Variants in COL22A1 observed in about 807,000 individuals in gnomAD.
The protein encoded by COL22A1 is collagen alpha-1(XXII) chain.
COL22A1 carries 221 observed loss-of-function variants against 248.9 expected under a neutral mutation model. The ratio of observed to expected loss-of-function variants is 0.89; its 90% confidence interval spans 0.80 to 0.99. The LOEUF (loss-of-function observed/expected upper bound fraction) is 0.99. Ranked by LOEUF, COL22A1 falls within the 50% of genes least tolerant of loss-of-function variation. The probability of loss-of-function intolerance (pLI) is 0.00; values close to 1 mark genes in which losing one functional copy is unlikely to be tolerated. For synonymous variants in COL22A1, 891 were observed against 793.4 expected, an observed-to-expected ratio of 1.12 and a Z score of -2.07; for missense variants, 2,240 against 2,179.0, an observed-to-expected ratio of 1.03 and a Z score of -0.56.
chr8:138,865,854 CGT>C (rs1241800075), intron 3 of COL22A1, among the ~76,000 whole-genome samples: 20 of 106,822 alleles, frequency 1.9e-4, no homozygotes, highest in African/African-American at 6.9e-4. Flanking sequence ...TGTGAGTGTA[CGT>C]GTGTGTATGT....
chr8:138,720,925 A>G, intron 26 of COL22A1, 133 bp from the exon 27 acceptor site: 1 of 742,354 alleles, frequency 1.3e-6, no homozygotes, highest in Non-Finnish European at 2.4e-6. Context: ...CAACTCTGCG[A>G]TTACCTAACC....
At chr8:138,666,703 C>A (rs968947179) in intron 41 of COL22A1, among the ~76,000 whole-genome samples, 9 of 152,132 alleles carry the variant, frequency 5.9e-5, no homozygotes, top group African/African-American at 2.2e-4. Context: ...TTTGTTATGG[C>A]CTGGGAAATG....
At chr8:138,611,055 G>C (rs932926526) in intron 56 of COL22A1, among the ~76,000 whole-genome samples, 5 of 152,298 alleles carry the variant, frequency 3.3e-5, no homozygotes, top group South Asian at 2.1e-4. Flanking sequence ...AACACAGTGA[G>C]AGCCTGTCTC....
At chr8:138,882,457 C>T (rs1296484619) in intron 2 of COL22A1, among the ~76,000 whole-genome samples, 2 of 150,266 alleles carry the variant, frequency 1.3e-5, no homozygotes, top group East Asian at 2.0e-4. Flanking sequence ...CTCACACTCC[C>T]CTACACCTCA....
intron 11 of COL22A1, among the ~76,000 whole-genome samples, chr8:138,797,229 C>T (rs1237134727): frequency 6.6e-6 from 1 of 152,186 alleles, no homozygotes; most frequent in African/African-American, 2.4e-5. Context: ...TCAGAAACAA[C>T]CCATATCTAT....
intron 18 of COL22A1, among the ~76,000 whole-genome samples, chr8:138,756,255 C>T (rs1177988644): frequency 1.5e-4 from 23 of 152,186 alleles, no homozygotes; most frequent in Non-Finnish European, 1.5e-5. Flanking sequence ...TAGCTCCGCA[C>T]ACAGTCAGCA....
chr8:138,875,261 T>A (rs1563872644), intron 3 of COL22A1, among the ~76,000 whole-genome samples: 1 of 152,104 alleles, frequency 6.6e-6, no homozygotes, highest in Non-Finnish European at 1.5e-5. Context: ...GGGAGAGGCC[T>A]GGAGTCTGAA....
At chr8:138,600,327 T>C (rs1416300743) in intron 60 of COL22A1, among the ~76,000 whole-genome samples, 1 of 152,020 alleles carries the variant, frequency 6.6e-6, no homozygotes, top group African/African-American at 2.4e-5. Context: ...AGACACCAGA[T>C]GGTAATCGTA....
intron 1 of COL22A1, among the ~76,000 whole-genome samples, chr8:138,896,972 C>A (rs1304546416): frequency 1.3e-5 from 2 of 148,440 alleles, no homozygotes; most frequent in Non-Finnish European, 1.5e-5. Context: ...GACTCTTTCT[C>A]AAAAAAAAAA....
At chr8:138,635,127 T>C in intron 48 of COL22A1, 64 bp from the exon 49 acceptor site, 1 of 1,362,160 alleles carries the variant, frequency 7.3e-7, no homozygotes, top group Non-Finnish European at 1.0e-6. Flanking sequence ...TTTGTGCAAA[T>C]ATCAAATTTC....
chr8:138,779,711 T>TC (rs2131519768), intron 13 of COL22A1, 149 bp from the exon 14 acceptor site: 2 of 605,852 alleles, frequency 3.3e-6, no homozygotes, highest in Admixed American at 3.0e-5. Flanking sequence ...GGGCCCGGGC[T>TC]CCCCTCAGAT....
At chr8:138,813,300 G>C (rs1177813748) in intron 7 of COL22A1, among the ~76,000 whole-genome samples, 1 of 65,782 alleles carries the variant, frequency 1.5e-5, no homozygotes, top group African/African-American at 4.7e-5. Flanking sequence ...GGAGGGACCC[G>C]GTGGGAGATA....
chr8:138,883,250 T>G lies in COL22A1; in HGVS notation c.-72-6A>C, dbSNP rs1439448987. The G allele has an allele frequency of 7.2e-7, 1 of 1,397,768 alleles. No homozygotes were observed. The highest frequency in any genetic ancestry group is 9.8e-7 in the Non-Finnish European group (1 of 1,019,380). 86.6% of individuals were successfully genotyped at this position (1,397,768 alleles called of 1,614,324 possible). ...AGGGTCTACAGCAGCATGGCCTGTG[T>G]GGAGAAAGACACCCTTAGAGAAGGC... On this transcript the variant is annotated splice_polypyrimidine_tract_variant and splice_region_variant and intron_variant, in intron 1 of 64. Transcript: ENST00000303045.
At chr8:138,857,117 A>C (rs1822092598) in intron 3 of COL22A1, among the ~76,000 whole-genome samples, 2 of 149,950 alleles carry the variant, frequency 1.3e-5, no homozygotes, top group South Asian at 2.1e-4. Context: ...ATCCGCCTGC[A>C]CTCCTGCCTC....
intron 18 of COL22A1, among the ~76,000 whole-genome samples, chr8:138,756,382 G>A (rs1192546680): frequency 6.6e-6 from 1 of 152,120 alleles, no homozygotes; most frequent in African/African-American, 2.4e-5. Context: ...TGGCCTCCAG[G>A]TCCCCTGGGC....
intron 39 of COL22A1, among the ~76,000 whole-genome samples, chr8:138,680,341 A>G (rs1246469892): frequency 6.6e-6 from 1 of 152,284 alleles, no homozygotes; most frequent in East Asian, 1.9e-4. Flanking sequence ...CTTCATACGG[A>G]AAAGGAACTG....
intron 23 of COL22A1, among the ~76,000 whole-genome samples, chr8:138,729,711 A>G (rs972633229): frequency 2.6e-5 from 4 of 152,162 alleles, no homozygotes; most frequent in Non-Finnish European, 5.9e-5. Flanking sequence ...GGCAGGAGGG[A>G]ACAGCCCTCA....
At chr8:138,618,796 T>C (rs1819530673) in intron 53 of COL22A1, among the ~76,000 whole-genome samples, 1 of 152,166 alleles carries the variant, frequency 6.6e-6, no homozygotes, top group Admixed American at 6.5e-5. Context: ...TTTGAAATTA[T>C]GAAGAGGTGA....
intron 1 of COL22A1, among the ~76,000 whole-genome samples, chr8:138,910,207 C>G (rs898413354): frequency 6.6e-6 from 1 of 152,178 alleles, no homozygotes; most frequent in Non-Finnish European, 1.5e-5. Flanking sequence ...TTCAACAAAC[C>G]TCATGCTGGC....
Sources: gnomAD v4.1 joint callset for allele counts (sites outside exome capture counted in the v4.1 genomes callset) on GRCh38, gnomAD v4.1.1 for gene constraint, MANE v1.5 for transcripts, NCBI Gene and HGNC (gene_info 2026-07-23, HGNC 2026-07-21) for gene names.